The following SAMD5 variants were observed in gnomAD, a reference collection of about 807,000 sequenced individuals.
SAMD5 encodes the protein sterile alpha motif domain containing 5, also known as sterile alpha motif domain-containing protein 5.
Under a neutral mutation model 11.3 loss-of-function variants are expected in SAMD5, and 13 were observed. That is an observed-to-expected ratio of 1.15 (90% CI 0.75 to 1.83). The LOEUF (loss-of-function observed/expected upper bound fraction) is 1.83. Ranked by LOEUF, SAMD5 falls within the 40% of genes most tolerant of loss-of-function variation. The pLI is 0.00. For missense variants in SAMD5, 255 were observed against 239.1 expected (o/e 1.07, Z -0.44); for synonymous variants, 129 against 111.3 (o/e 1.16, Z -1.00).
At chr6:147,615,786 T>A (rs1789857581) in intron 1 of SAMD5, among the ~76,000 whole-genome samples, 1 of 152,238 alleles carries the variant, frequency 6.6e-6, no homozygotes, top group African/African-American at 2.4e-5. Context: ...TGGAATGATT[T>A]AACTGAAATG....
rs903573205 is a variant in SAMD5 at position 147,569,983 on chromosome 6, T to C, written c.*5527T>C. ...CCATGCACACTGTGATTTGCAAACATATGTCCGCTCTTCAATAAATGTTAC... is the reference window on the plus strand; with the variant it reads ...CCATGCACACTGTGATTTGCAAACACATGTCCGCTCTTCAATAAATGTTAC... On this transcript the variant is annotated 3_prime_UTR_variant, in exon 2 of 2. Transcript: ENST00000367474. 12 of 984,930 alleles carry C rather than the reference T, an allele frequency of 1.2e-5. No individual in the cohort carries two copies. The highest frequency in any genetic ancestry group is 1.4e-5 in the Non-Finnish European group (12 of 829,582). 61.0% of individuals were successfully genotyped at this position (984,930 alleles called of 1,614,324 possible).
At chr6:147,856,799 A>ATGAC in the SAMD5 span, among the ~76,000 whole-genome samples, 11 of 130,178 alleles carry the variant, frequency 8.4e-5, 1 homozygote, top group African/African-American at 3.2e-4. Flanking sequence ...ACGTGGCTTA[A>ATGAC]TGACTTAGTT....
At chr6:147,835,690 C>T in the SAMD5 span, among the ~76,000 whole-genome samples, 3 of 152,130 alleles carry the variant, frequency 2.0e-5, no homozygotes, top group Admixed American at 6.5e-5. Flanking sequence ...GCCCCCACAT[C>T]GCTTGGATTC....
intron 1 of SAMD5, among the ~76,000 whole-genome samples, chr6:147,608,167 G>T (rs1789730424): frequency 6.6e-6 from 1 of 152,184 alleles, no homozygotes; most frequent in African/African-American, 2.4e-5. Flanking sequence ...GAAGGAAAGG[G>T]AACCCTCATA....
At chr6:147,948,438 G>A in the SAMD5 span, among the ~76,000 whole-genome samples, 2 of 152,132 alleles carry the variant, frequency 1.3e-5, no homozygotes, top group African/African-American at 2.4e-5. Context: ...AGGAATATAG[G>A]AAATTCCATT....
chr6:147,943,774 A>G, the SAMD5 span, among the ~76,000 whole-genome samples: 13 of 152,196 alleles, frequency 8.5e-5, no homozygotes, highest in African/African-American at 3.1e-4. Flanking sequence ...GGACTCAGAA[A>G]TCTCACTCCT....
At chr6:147,938,611 A>T in the SAMD5 span, among the ~76,000 whole-genome samples, 1 of 152,322 alleles carries the variant, frequency 6.6e-6, no homozygotes, top group South Asian at 2.1e-4. Context: ...AGCCATGTTA[A>T]AATATAGGAC....
chr6:147,687,060 G>A (rs559968714), intron 1 of SAMD5, among the ~76,000 whole-genome samples: 38 of 151,980 alleles, frequency 2.5e-4, no homozygotes, highest in Admixed American at 6.5e-4. Context: ...GGTTTATATT[G>A]AATTTGTAGA....
chr6:147,516,728 C>T (rs1788176846), intron 1 of SAMD5, among the ~76,000 whole-genome samples: 2 of 152,230 alleles, frequency 1.3e-5, no homozygotes, highest in African/African-American at 4.8e-5. Flanking sequence ...ATGTCTGCCA[C>T]TGTTACTTCA....
At chr6:147,646,026 G>GTATCTATCTATCTATC (rs200304460) in intron 1 of SAMD5, among the ~76,000 whole-genome samples, 2 of 52,378 alleles carry the variant, frequency 3.8e-5, no homozygotes, top group Non-Finnish European at 6.7e-5. Flanking sequence ...ATCTATCTAT[G>GTATCTATCTATCTATC]TATCTATCTA....
Position 147,556,564 on chromosome 6 carries a change from T to G in SAMD5, c.460-7830T>G, listed in dbSNP as rs114238873. 1.6e-3 allele frequency among the ~76,000 whole-genome samples: 243 copies of G among 152,336 alleles called. 3 individuals carry two copies. The highest frequency in any genetic ancestry group is 5.6e-3 in the African/African-American group (231 of 41,586). On this transcript the variant is annotated intron_variant, in intron 1 of 1. Coordinates refer to ENST00000367474, the MANE Select transcript of SAMD5 (RefSeq NM_001030060.3). ...AACCAAAACCAGAGAATGGCCGGGA[T>G]ACAACATTGCAGTGTTCTCAAGTGG...
chr6:147,794,401 CTTA>C, the SAMD5 span, among the ~76,000 whole-genome samples: 7 of 152,068 alleles, frequency 4.6e-5, no homozygotes, highest in African/African-American at 1.7e-4. Context: ...TACTATAAGA[CTTA>C]TTATTTCTTT....
chr6:147,515,415 ATCCG>A (rs377549948), intron 1 of SAMD5, among the ~76,000 whole-genome samples: 10 of 47,836 alleles, frequency 2.1e-4, no homozygotes, highest in African/African-American at 1.3e-3. Context: ...CCATTTATCC[ATCCG>A]TCTTCCATCC....
chr6:147,874,757 A>G, the SAMD5 span, among the ~76,000 whole-genome samples: 3 of 151,710 alleles, frequency 2.0e-5, no homozygotes, highest in Non-Finnish European at 4.4e-5. Flanking sequence ...GAGGGGCAGC[A>G]TGGAGATTTG....
At chr6:147,724,375 A>G (rs1279005645) in intron 1 of SAMD5, among the ~76,000 whole-genome samples, 7 of 152,100 alleles carry the variant, frequency 4.6e-5, no homozygotes, top group African/African-American at 1.7e-4. Flanking sequence ...TTTAAGCTTT[A>G]TCCAATTATT....
intron 1 of SAMD5, among the ~76,000 whole-genome samples, chr6:147,579,736 C>G (rs1376186614): frequency 6.6e-6 from 1 of 152,122 alleles, no homozygotes; most frequent in Non-Finnish European, 1.5e-5. Flanking sequence ...GGATTACAGG[C>G]ATGAGCCACT....
intron 1 of SAMD5, among the ~76,000 whole-genome samples, chr6:147,690,500 T>G (rs1313215666): frequency 6.6e-6 from 1 of 151,914 alleles, no homozygotes; most frequent in Admixed American, 6.6e-5. Flanking sequence ...AATGCAAAAA[T>G]TAGCCGGGCG....
intron 1 of SAMD5, among the ~76,000 whole-genome samples, chr6:147,591,986 A>G (rs1402615155): frequency 1.3e-5 from 2 of 152,072 alleles, no homozygotes; most frequent in Non-Finnish European, 2.9e-5. Context: ...CGGGAGCATT[A>G]GGAAAAACAG....
chr6:147,652,036 A>G (rs1478505703), intron 1 of SAMD5, among the ~76,000 whole-genome samples: 1 of 152,204 alleles, frequency 6.6e-6, no homozygotes, highest in East Asian at 1.9e-4. Context: ...GCTCTTTCAC[A>G]ATACTGATAA....
Sources: gnomAD v4.1 joint callset for allele counts (sites outside exome capture counted in the v4.1 genomes callset) on GRCh38, gnomAD v4.1.1 for gene constraint, MANE v1.5 for transcripts, NCBI Gene and HGNC (gene_info 2026-07-23, HGNC 2026-07-21) for gene names.